MSRA: variants seen among roughly 807,000 people sequenced by gnomAD.
MSRA encodes the protein methionine sulfoxide reductase A.
MSRA carries 54 observed loss-of-function variants against 31.3 expected under a neutral mutation model. The ratio of observed to expected loss-of-function variants is 1.73; its 90% CI spans 1.39 to 2.17. The LOEUF is 2.17. Ranked by LOEUF, MSRA falls within the 30% of genes most tolerant of loss-of-function variation. The pLI is 0.00. For synonymous variants in MSRA, 169 were observed against 116.5 expected, an observed-to-expected ratio of 1.45 and a Z score of -2.90; for missense variants, 507 against 300.9, an observed-to-expected ratio of 1.69 and a Z score of -5.07.
intron 5 of MSRA, among the ~76,000 whole-genome samples, chr8:10,350,367 T>C (rs947564452): frequency 6.6e-6 from 1 of 152,156 alleles, no homozygotes; most frequent in South Asian, 2.1e-4. Flanking sequence ...GCAGTTAGAG[T>C]GCGGGACTGG....
chr8:10,313,580 A>G (rs1215113773), intron 4 of MSRA, among the ~76,000 whole-genome samples: 1 of 152,200 alleles, frequency 6.6e-6, no homozygotes, highest in South Asian at 2.1e-4. Flanking sequence ...AAACACACCA[A>G]TTCTCTCCAA....
chr8:10,334,656 G>C (rs1802914696), intron 5 of MSRA, among the ~76,000 whole-genome samples: 1 of 152,170 alleles, frequency 6.6e-6, no homozygotes, highest in South Asian at 2.1e-4. Flanking sequence ...CCAGAGATCA[G>C]AGCTTTCATG....
chr8:10,110,392 G>A (rs769184830), intron 1 of MSRA, among the ~76,000 whole-genome samples: 17 of 152,128 alleles, frequency 1.1e-4, no homozygotes, highest in Non-Finnish European at 2.5e-4. Flanking sequence ...TACCCACTAA[G>A]ATGCATATCA....
chr8:10,298,766 C>T (rs568431976), intron 3 of MSRA, among the ~76,000 whole-genome samples: 3 of 152,282 alleles, frequency 2.0e-5, no homozygotes, highest in African/African-American at 7.2e-5. Context: ...TATGAAACTT[C>T]ATCTTATGAG....
At chr8:10,323,088 T>TC (rs1585468955) in intron 5 of MSRA, among the ~76,000 whole-genome samples, 1 of 23,472 alleles carries the variant, frequency 4.3e-5, no homozygotes. Context: ...AGACTCCATC[T>TC]CAAAAAAAAA....
chr8:10,322,818 A>G (rs57737477), intron 5 of MSRA, among the ~76,000 whole-genome samples: 46,746 of 152,102 alleles, frequency 0.31, 8,008 homozygotes, highest in African/African-American at 0.44. Flanking sequence ...GAGGCAGGGC[A>G]CAGTGACTCA....
rs1272102796 is a variant in MSRA, at chr8:10,252,275, C to T, written c.331+7052C>T. On this transcript the variant is annotated intron_variant, in intron 3 of 5. Transcript: ENST00000317173. ...TAGAACACCCAAAAGAAGTTCGAATCGTACACCCATTCTGCTCCTCTCAGT... is the reference window on the plus strand; with the variant it reads ...TAGAACACCCAAAAGAAGTTCGAATTGTACACCCATTCTGCTCCTCTCAGT... Among the ~76,000 whole-genome samples, 16 of 152,280 alleles carry T rather than the reference C, an allele frequency of 1.1e-4. No individual in the cohort carries two copies. In the South Asian group the frequency reaches 2.1e-3, roughly 20 times the overall value.
At chr8:10,085,957 A>G (rs952625708) in intron 1 of MSRA, among the ~76,000 whole-genome samples, 1 of 152,150 alleles carries the variant, frequency 6.6e-6, no homozygotes, top group African/African-American at 2.4e-5. Context: ...CAGCAGATAG[A>G]CCTTGCTGCT....
At chr8:10,378,316 C>A (rs1271981040) in intron 5 of MSRA, among the ~76,000 whole-genome samples, 1 of 152,160 alleles carries the variant, frequency 6.6e-6, no homozygotes, top group Non-Finnish European at 1.5e-5. Flanking sequence ...AAAGCTGTTG[C>A]CCAGTGAGAG....
At chr8:10,056,822 A>G (rs1563380235) in intron 1 of MSRA, among the ~76,000 whole-genome samples, 1 of 152,014 alleles carries the variant, frequency 6.6e-6, no homozygotes, top group Non-Finnish European at 1.5e-5. Flanking sequence ...TCCCTTCTCT[A>G]TATTACCTCC....
At chr8:10,214,840 A>G (rs7840347) in intron 2 of MSRA, among the ~76,000 whole-genome samples, 46,854 of 152,144 alleles carry the variant, frequency 0.31, 8,729 homozygotes, top group Non-Finnish European at 0.44. Flanking sequence ...TATTTTATAT[A>G]TCTTGTGCAT....
intron 1 of MSRA, among the ~76,000 whole-genome samples, chr8:10,066,692 C>T (rs1380482743): frequency 6.6e-6 from 1 of 152,048 alleles, no homozygotes; most frequent in African/African-American, 2.4e-5. Context: ...CGTCACCAGA[C>T]CTAGCTATTT....
intron 3 of MSRA, among the ~76,000 whole-genome samples, chr8:10,299,287 T>C (rs1800714727): frequency 6.6e-6 from 1 of 152,172 alleles, no homozygotes; most frequent in African/African-American, 2.4e-5. Flanking sequence ...CAAATATGTC[T>C]GTCATGTTGA....
chr8:10,179,713 T>A (rs143953181), intron 1 of MSRA, among the ~76,000 whole-genome samples: 1 of 152,314 alleles, frequency 6.6e-6, no homozygotes, highest in Non-Finnish European at 1.5e-5. Flanking sequence ...CAAACCTCAG[T>A]TTATCTGGCT....
At chr8:10,076,617 C>T (rs1026209992) in intron 1 of MSRA, among the ~76,000 whole-genome samples, 5 of 152,128 alleles carry the variant, frequency 3.3e-5, no homozygotes, top group Non-Finnish European at 4.4e-5. Context: ...TCTAGTTTAT[C>T]GCAAGGGAAT....
intron 5 of MSRA, among the ~76,000 whole-genome samples, chr8:10,390,775 A>G (rs1806692292): frequency 6.6e-6 from 1 of 152,134 alleles, no homozygotes; most frequent in Admixed American, 6.5e-5. Context: ...ATGTTAAACT[A>G]CATGTTAAAA....
intron 2 of MSRA, among the ~76,000 whole-genome samples, chr8:10,241,940 G>T (rs1297835241): frequency 1.3e-5 from 2 of 152,154 alleles, no homozygotes; most frequent in African/African-American, 2.4e-5. Context: ...AAGGGATAAG[G>T]TCAAAGGAAA....
rs138958955 is a variant in MSRA, at chr8:10,088,841, C to T, written c.142+34183C>T. Among the ~76,000 whole-genome samples, 163 of 152,198 alleles carry T rather than the reference C, an allele frequency of 1.1e-3. 1 individual carries two copies. The highest frequency in any genetic ancestry group is 3.7e-3 in the African/African-American group (152 of 41,508). On this transcript the variant is annotated intron_variant, in intron 1 of 5. Transcript: ENST00000317173. ...ATCTTGCCATTTGCCACAGCACGGA[C>T]GGATCTAAAGGACGTTATGCTAAGT...
At chr8:10,085,566 A>G (rs17151050) in intron 1 of MSRA, among the ~76,000 whole-genome samples, 10,137 of 152,162 alleles carry the variant, frequency 0.067, 1,105 homozygotes, top group African/African-American at 0.23. Context: ...GATGGTTTCT[A>G]TGTTAATATT....
Sources: gnomAD v4.1 joint callset for allele counts (sites outside exome capture counted in the v4.1 genomes callset) on GRCh38, gnomAD v4.1.1 for gene constraint, MANE v1.5 for transcripts, NCBI Gene and HGNC (gene_info 2026-07-23, HGNC 2026-07-21) for gene names.